SHPK: variants seen among roughly 807,000 people sequenced by gnomAD.
SHPK encodes the protein carbohydrate kinase-like protein.
A neutral mutation model predicts 46.3 loss-of-function variants in SHPK; 51 were observed. That is an observed-to-expected ratio of 1.10 (90% CI 0.88 to 1.39). The LOEUF (loss-of-function observed/expected upper bound fraction) is 1.39. SHPK is among the 40% of genes most tolerant of loss of function. The pLI, the probability that SHPK is intolerant of heterozygous loss-of-function variation, is 0.00. For synonymous variants in SHPK, 290 were observed against 273.9 expected (o/e 1.06, Z -0.58); for missense variants, 668 against 641.3 (o/e 1.04, Z -0.45).
At chr17:3,620,140 C>T (rs2075391298) in intron 5 of SHPK, among the ~76,000 whole-genome samples, 1 of 152,162 alleles carries the variant, frequency 6.6e-6, no homozygotes, top group South Asian at 2.1e-4. Flanking sequence ...ATCCGCAAAG[C>T]CGAAAATATT....
chr17:3,634,566 T>C (rs2075494711), intron 1 of SHPK, among the ~76,000 whole-genome samples: 1 of 96,150 alleles, frequency 1.0e-5, no homozygotes, highest in Non-Finnish European at 2.0e-5. Flanking sequence ...AGCGAGACCC[T>C]GTCTCAAAAA....
intron 1 of SHPK, 83 bp from the exon 2 acceptor site, chr17:3,630,429 A>C: frequency 1.4e-6 from 2 of 1,385,394 alleles, no homozygotes; most frequent in Non-Finnish European, 1.9e-6. Context: ...GTCCTGGAGG[A>C]GGAATGCAGT....
chr17:3,616,496 C>T lies in SHPK; in HGVS notation c.824-959G>A, dbSNP rs145174825. ...CAGCTCCAGAGTGAATGCAACCTCA[C>T]GAGAGACCTTGAGCCAGGACATCCC... On this transcript the variant is annotated intron_variant, in intron 5 of 6. Coordinates refer to ENST00000225519, the MANE Select transcript of SHPK (RefSeq NM_013276.4). 6.7e-3 allele frequency among the ~76,000 whole-genome samples: 1,020 copies of T among 152,240 alleles called. 7 individuals are homozygous for T. The highest frequency in any genetic ancestry group is 0.012 in the Non-Finnish European group (814 of 68,008).
At position 3,636,108 on chromosome 17, in the gene SHPK, A is replaced by G. The variant is rs746363960; in HGVS notation, c.112T>C (p.Cys38Arg). The change falls in exon 1 of 7, where the codon TGT (cysteine) becomes CGT (arginine). Residue 38 changes from cysteine (C) to arginine (R), a missense_variant. Coordinates refer to ENST00000225519, the MANE Select transcript of SHPK (RefSeq NM_013276.4). ...DPSGFAVLAS[C>R]ARAARAEAAV... Reference sequence around the variant, plus strand: ...GCCTCTGCCCGCGCAGCACGGGCACAGCTCGCCAGCACTGCGAACCCGGAT... The same window carrying G: ...GCCTCTGCCCGCGCAGCACGGGCACGGCTCGCCAGCACTGCGAACCCGGAT... The G allele has an allele frequency of 6.2e-7, 1 of 1,606,928 alleles. No homozygotes were observed. The highest frequency in any genetic ancestry group is 1.1e-5 in the South Asian group (1 of 90,062).
intron 5 of SHPK, among the ~76,000 whole-genome samples, chr17:3,620,722 G>A (rs1204615429): frequency 2.0e-5 from 3 of 151,296 alleles, no homozygotes; most frequent in African/African-American, 4.9e-5. Context: ...CACCACACCT[G>A]GCTAATTTTG....
intron 5 of SHPK, chr17:3,619,940 T>G (rs1208870084): frequency 5.2e-6 from 1 of 193,310 alleles, no homozygotes; most frequent in Non-Finnish European, 1.1e-5. Flanking sequence ...CGTTCTCACG[T>G]TTTTAAATGG....
Position 3,636,134 on chromosome 17 carries a change from G to T in SHPK, c.86C>A (p.Pro29Gln). The change falls in exon 1 of 7, where the codon CCA becomes CAA. Residue 29 changes from proline (P) to glutamine (Q), a missense_variant. Transcript: ENST00000225519. ...GCTCGCCAGCACTGCGAACCCGGAT[G>T]GGTCGTCGGGCGCGGCCCTCAGCAG... ...AALLRAAPDD[P>Q]SGFAVLASCA... 6.2e-7 allele frequency: 1 copy of T among 1,611,532 alleles called. No homozygotes were observed.
rs553241212 is a variant in SHPK, at chr17:3,631,751, G to A, written c.169-1405C>T. Among the ~76,000 whole-genome samples the A allele has an allele frequency of 7.3e-5, 11 of 151,576 alleles. No homozygotes were observed. The South Asian group carries it at 2.3e-3, about 32-fold the overall frequency. ...TTGGCCAGGCTGGTCTCAAACTCCT[G>A]GCCTCAGGGATTCACCCACCTCGGC... On this transcript the variant is annotated intron_variant, in intron 1 of 6. Transcript: ENST00000225519.
At chr17:3,629,512 G>A (rs1218300548) in intron 2 of SHPK, among the ~76,000 whole-genome samples, 1 of 152,076 alleles carries the variant, frequency 6.6e-6, no homozygotes, top group Non-Finnish European at 1.5e-5. Context: ...TGGATCATTT[G>A]AGGTCAGGAG....
chr17:3,610,613 C>T lies in SHPK; in HGVS notation c.1384G>A (p.Val462Ile). 2 of 1,613,650 alleles carry T rather than the reference C, an allele frequency of 1.2e-6. No individual in the cohort carries two copies. The highest frequency in any genetic ancestry group is 1.7e-6 in the Non-Finnish European group (2 of 1,179,772). ...CGGAGCATGACCAGAGCTGCCCCGA[C>T]AGCTGCATCCACATCCTGCCCAAAG... ...MSFGQDVDAAVGAALVMLRRH... is the reference protein window; with the variant it reads ...MSFGQDVDAAIGAALVMLRRH... Residue 462 changes from valine to isoleucine, a missense_variant, in exon 7 of 7, where the codon GTC (valine) becomes ATC (isoleucine). Coordinates refer to ENST00000225519, the MANE Select transcript of SHPK (RefSeq NM_013276.4).
At chr17:3,618,282 T>C (rs2150868866) in intron 5 of SHPK, among the ~76,000 whole-genome samples, 1 of 152,154 alleles carries the variant, frequency 6.6e-6, no homozygotes, top group East Asian at 1.9e-4. Flanking sequence ...ATTTTTTGTA[T>C]TTTTAGTAGA....
At position 3,635,969 on chromosome 17, in the gene SHPK, G is replaced by C. The variant is rs916312076; in HGVS notation, c.168+83C>G. ...TGGAATAGAGACTTCATTGCGGGAA[G>C]GGCTGTCAGGGAGGCCTCCTGGGGT... is the stretch of plus-strand genomic sequence containing the variant. On this transcript the variant is annotated intron_variant, in intron 1 of 6. Coordinates refer to ENST00000225519, the MANE Select transcript of SHPK (RefSeq NM_013276.4). 12 of 1,321,146 alleles carry C rather than the reference G, an allele frequency of 9.1e-6. 1 individual carries two copies. In the East Asian group the frequency reaches 1.3e-4, roughly 15 times the overall value. 81.8% of individuals were successfully genotyped at this position (1,321,146 alleles called of 1,614,324 possible). A position where few individuals can be genotyped will look rare whatever the true frequency, so the allele number is the denominator to read the frequency against.
Position 3,624,233 on chromosome 17 carries a change from T to G in SHPK, c.311-2A>C. The G allele has an allele frequency of 1.9e-6, 3 of 1,604,398 alleles. No homozygotes were observed. Among genetic ancestry groups the G allele is most frequent in the Non-Finnish European group, 2.6e-6 (3 of 1,172,622 alleles). On this transcript the variant is annotated splice_acceptor_variant, in intron 2 of 6. Coordinates refer to ENST00000225519, the MANE Select transcript of SHPK (RefSeq NM_013276.4). LOFTEE classifies it high-confidence loss of function. ...TCCCTCCCTCTGTCCATTCACAGCCTGGAACAAAAGAGATGACCAAAAATG... is the reference window on the plus strand; with the variant it reads ...TCCCTCCCTCTGTCCATTCACAGCCGGGAACAAAAGAGATGACCAAAAATG...
rs200299071 is a variant in SHPK at position 3,623,459 on chromosome 17, C to T, written c.527G>A (p.Gly176Asp). 3 of 1,614,184 alleles carry T rather than the reference C, an allele frequency of 1.9e-6. No individual in the cohort carries two copies. The South Asian group carries it at 3.3e-5, about 18-fold the overall frequency. ...GGCAACCACATAGTCGTGGATGGTACCGGCTGCGTCGTAGGACTTCAGGAA... is the reference window on the plus strand; with the variant it reads ...GGCAACCACATAGTCGTGGATGGTATCGGCTGCGTCGTAGGACTTCAGGAA... ...PEFLKSYDAA[G>D]TIHDYVVAML... The change falls in exon 4 of 7, where the codon GGT (glycine) becomes GAT (aspartate). Residue 176 changes from glycine (G) to aspartate (D), a missense_variant. By Grantham distance (94) the Gly-to-Asp change is moderately conservative. Coordinates refer to ENST00000225519, the MANE Select transcript of SHPK (RefSeq NM_013276.4).
At chr17:3,612,027 C>T (rs2075343084) in intron 6 of SHPK, among the ~76,000 whole-genome samples, 1 of 151,754 alleles carries the variant, frequency 6.6e-6, no homozygotes, top group Admixed American at 6.6e-5. Context: ...TGGTCTCAAG[C>T]TCTCGACCTC....
chr17:3,621,639 T>TC lies in SHPK; in HGVS notation c.648-228dup, dbSNP rs1187766930. On this transcript the variant is annotated intron_variant, in intron 4 of 6. Coordinates refer to ENST00000225519, the MANE Select transcript of SHPK (RefSeq NM_013276.4). ...TCCCTCCCTTCCTTCCTTCCTTCCT[T>TC]CTTTCTTTCTTTTTTACTTATTTAT... is the stretch of plus-strand genomic sequence containing the variant. Among the ~76,000 whole-genome samples the TC allele has an allele frequency of 1.4e-4, 18 of 130,482 alleles. 1 individual carries two copies. The highest frequency in any genetic ancestry group is 5.5e-4 in the South Asian group (2 of 3,608). The allele number at this position is 130,482 out of a possible 152,430, so 85.6% of individuals were successfully genotyped here. A position where few individuals can be genotyped will look rare whatever the true frequency, so the allele number is the denominator to read the frequency against.
chr17:3,631,804 G>A (rs1391152195), intron 1 of SHPK, among the ~76,000 whole-genome samples: 1 of 151,844 alleles, frequency 6.6e-6, no homozygotes, highest in African/African-American at 2.4e-5. Flanking sequence ...TTACAGGTGT[G>A]AGCCACCGCA....
At chr17:3,635,028 CG>C (rs1477330301) in intron 1 of SHPK, among the ~76,000 whole-genome samples, 1 of 151,504 alleles carries the variant, frequency 6.6e-6, no homozygotes, top group Non-Finnish European at 1.5e-5. Context: ...AAAAAGTAGC[CG>C]GGCGCGGTGG....
Position 3,621,172 on chromosome 17 carries a change from C to A in SHPK, c.823+65G>T. On this transcript the variant is annotated intron_variant, in intron 5 of 6. Transcript: ENST00000225519. Reference sequence around the variant, plus strand: ...GCTCTGTGTGCCCTGCAGACTCGCACAGAGCTGGTGCTTATGAGGCAGGCG... The same window carrying A: ...GCTCTGTGTGCCCTGCAGACTCGCAAAGAGCTGGTGCTTATGAGGCAGGCG... 11 of 1,382,222 alleles carry A rather than the reference C, an allele frequency of 8.0e-6. No homozygotes were observed. In the South Asian group the frequency reaches 1.5e-4, roughly 19 times the overall value. The allele number at this position is 1,382,222 out of a possible 1,614,324, so 85.6% of individuals were successfully genotyped here.
Sources: gnomAD v4.1 joint callset for allele counts (sites outside exome capture counted in the v4.1 genomes callset) on GRCh38, gnomAD v4.1.1 for gene constraint, MANE v1.5 for transcripts, NCBI Gene and HGNC (gene_info 2026-07-23, HGNC 2026-07-21) for gene names.